The following RNF115 variants were observed in gnomAD, a reference collection of about 807,000 sequenced individuals.
RNF115 encodes the protein E3 ubiquitin-protein ligase RNF115.
A neutral mutation model predicts 39.2 loss-of-function variants in RNF115; 31 were observed. The ratio of observed to expected loss-of-function variants is 0.79; its 90% CI spans 0.59 to 1.07. RNF115 has a LOEUF of 1.07. Ranked by LOEUF, RNF115 falls within the 50% of genes least tolerant of loss-of-function variation. The pLI is 0.00. For missense variants in RNF115, 384 were observed against 381.7 expected, an observed-to-expected ratio of 1.01 and a Z score of -0.05; for synonymous variants, 124 against 131.0, an observed-to-expected ratio of 0.95 and a Z score of 0.37.
chr1:145,774,674 T>C (rs114268187), intron 3 of RNF115, among the ~76,000 whole-genome samples: 1,802 of 152,274 alleles, frequency 0.012, 17 homozygotes, highest in Non-Finnish European at 0.02. Context: ...AAATTTAAAC[T>C]CAGTGTTAAA....
intron 1 of RNF115, among the ~76,000 whole-genome samples, chr1:145,808,672 A>ATTTGGATTGCAC (rs1553721998): frequency 6.6e-6 from 1 of 152,200 alleles, no homozygotes; most frequent in Non-Finnish European, 1.5e-5. Context: ...TTTTTGCACT[A>ATTTGGATTGCAC]TATCAGCAAT....
intron 4 of RNF115, among the ~76,000 whole-genome samples, chr1:145,753,778 G>A (rs55830207): frequency 1.3e-5 from 2 of 152,186 alleles, no homozygotes; most frequent in East Asian, 1.9e-4. Context: ...GTGCAGTGGA[G>A]CGATCTCGGC....
chr1:145,773,609 A>G (rs1178239654), intron 3 of RNF115: 1 of 152,164 alleles, frequency 6.6e-6, no homozygotes, highest in Admixed American at 6.5e-5. Flanking sequence ...GAACCTAAAG[A>G]CAAGCCAGAG....
chr1:145,795,276 T>C (rs375320999), intron 1 of RNF115, among the ~76,000 whole-genome samples: 19 of 152,152 alleles, frequency 1.2e-4, no homozygotes, highest in African/African-American at 4.3e-4. Flanking sequence ...CTCATAAAAG[T>C]AGTGCAGACC....
intron 1 of RNF115, among the ~76,000 whole-genome samples, chr1:145,813,930 C>T: frequency 7.0e-6 from 1 of 142,782 alleles, no homozygotes; most frequent in African/African-American, 2.6e-5. Context: ...CTCTGGCCTC[C>T]ACCCACTGCA....
intron 4 of RNF115, among the ~76,000 whole-genome samples, chr1:145,754,351 GTT>G (rs57910583): frequency 2.0e-5 from 3 of 150,440 alleles, no homozygotes; most frequent in Non-Finnish European, 3.0e-5. Context: ...AACACTGGTT[GTT>G]TTTTTTTTTT....
intron 4 of RNF115, among the ~76,000 whole-genome samples, chr1:145,762,512 G>T (rs587600413): frequency 6.6e-6 from 1 of 152,086 alleles, no homozygotes; most frequent in South Asian, 2.1e-4. Flanking sequence ...AGATAAAAAA[G>T]ATTATAAAAT....
chr1:145,787,358 G>A (rs1199530166), intron 2 of RNF115, among the ~76,000 whole-genome samples: 4 of 152,102 alleles, frequency 2.6e-5, no homozygotes, highest in South Asian at 2.1e-4. Flanking sequence ...CGGATCACGA[G>A]GTCAGGACTT....
rs1360277727 is a variant in RNF115 at position 145,746,060 on chromosome 1, A to G, written c.*806T>C. ...GCTAACACGGTGAAACCCCATCTCT[A>G]CTAAATATACAAAAAATTAGCTGGG... On this transcript the variant is annotated 3_prime_UTR_variant, in exon 9 of 9. Transcript: ENST00000582693. 6.6e-6 allele frequency: 1 copy of G among 151,788 alleles called. No individual in the cohort carries two copies. Among genetic ancestry groups the G allele is most frequent in the African/African-American group, 2.4e-5 (1 of 41,396 alleles). The allele number at this position is 151,788 out of a possible 1,614,324, so 9.4% of individuals were successfully genotyped here. A position where few individuals can be genotyped will look rare whatever the true frequency, so the allele number is the denominator to read the frequency against.
intron 1 of RNF115, among the ~76,000 whole-genome samples, chr1:145,803,454 A>G (rs978722951): frequency 4.6e-5 from 7 of 152,148 alleles, no homozygotes; most frequent in Non-Finnish European, 5.9e-5. Context: ...CAGTGGCGTG[A>G]TCTTGGCTCA....
At chr1:145,748,161 A>G (rs1657946567) in intron 7 of RNF115, 51 bp from the exon 8 acceptor site, 2 of 1,306,336 alleles carry the variant, frequency 1.5e-6, no homozygotes, top group South Asian at 1.2e-5. Context: ...AGGAAAGAAG[A>G]AAAAACTAAC....
chr1:145,809,487 A>ATTT (rs1649603863), intron 1 of RNF115, among the ~76,000 whole-genome samples: 1 of 25,608 alleles, frequency 3.9e-5, no homozygotes. Context: ...AGACCCAGCT[A>ATTT]ATTTTTTTTT....
intron 4 of RNF115, among the ~76,000 whole-genome samples, chr1:145,766,599 A>G (rs1647288388): frequency 6.7e-6 from 1 of 150,202 alleles, no homozygotes; most frequent in East Asian, 2.0e-4. Flanking sequence ...CACCTCCCGG[A>G]CGGGGCGGCT....
chr1:145,791,550 A>C (rs1051549265), intron 1 of RNF115, among the ~76,000 whole-genome samples: 1 of 152,076 alleles, frequency 6.6e-6, no homozygotes, highest in Non-Finnish European at 1.5e-5. Flanking sequence ...CATAAACTGA[A>C]TAACAGCATA....
chr1:145,786,916 C>T (rs1648406843), intron 2 of RNF115: 3 of 478,640 alleles, frequency 6.3e-6, no homozygotes, highest in Non-Finnish European at 1.1e-5. Flanking sequence ...TTAACTGTAT[C>T]AAAATAGATC....
chr1:145,788,776 A>ACT (rs147795554), intron 2 of RNF115, 132 bp downstream of exon 2: 29 of 745,866 alleles, frequency 3.9e-5, no homozygotes, highest in East Asian at 3.1e-4. Flanking sequence ...TCATGCACTC[A>ACT]CTCTCTCTCT....
At position 145,823,954 on chromosome 1, in the gene RNF115, GC is replaced by G. The variant is rs1171894440; in HGVS notation, c.-82del. The G allele has an allele frequency of 1.1e-6, 1 of 933,066 alleles. No homozygotes were observed. Among genetic ancestry groups the G allele is most frequent in the African/African-American group, 1.8e-5 (1 of 56,890 alleles). The allele number at this position is 933,066 out of a possible 1,614,324, so 57.8% of individuals were successfully genotyped here. ...CGCTACCTCCCGAGCTGCAGTCGTC[GC>G]CGCCGCCGCCGCCTCGGTGCGGCCC... On this transcript the variant is annotated 5_prime_UTR_variant, in exon 1 of 9. Transcript: ENST00000582693.
At chr1:145,768,435 C>T in intron 4 of RNF115, among the ~76,000 whole-genome samples, 1 of 152,374 alleles carries the variant, frequency 6.6e-6, no homozygotes, top group East Asian at 1.9e-4. Context: ...CCTGCCTCAG[C>T]TTCCTGAGTA....
At chr1:145,753,358 G>A (rs183905786) in intron 4 of RNF115, among the ~76,000 whole-genome samples, 28 of 152,156 alleles carry the variant, frequency 1.8e-4, no homozygotes, top group Admixed American at 4.6e-4. Context: ...ACATAAGGAA[G>A]GGTTAAAAGG....
Sources: allele counts gnomAD v4.1 joint callset (sites outside exome capture counted in the v4.1 genomes callset), GRCh38; gene constraint gnomAD v4.1.1; transcripts MANE v1.5; gene names NCBI Gene and HGNC (gene_info 2026-07-23, HGNC 2026-07-21).